The following CKAP2L variants were observed in gnomAD, a reference collection of about 807,000 sequenced individuals.
The protein encoded by CKAP2L is cytoskeleton associated protein 2L.
In CKAP2L, 42 loss-of-function variants were observed where a neutral mutation model predicts 65.7. That is an observed-to-expected ratio of 0.64 (90% confidence interval 0.50 to 0.83). The LOEUF (loss-of-function observed/expected upper bound fraction) is 0.83. Among genes scored for constraint, CKAP2L ranks in the 40% least tolerant of loss-of-function variants. The pLI, the probability that CKAP2L is intolerant of heterozygous loss-of-function variation, is 0.00. For synonymous variants in CKAP2L, 325 were observed against 313.5 expected (o/e 1.04, Z -0.39); for missense variants, 908 against 871.0 (o/e 1.04, Z -0.53).
At chr2:112,762,469 C>T (rs1222440837) in intron 2 of CKAP2L, 34 bp downstream of exon 2, 10 of 1,585,394 alleles carry the variant, frequency 6.3e-6, no homozygotes, top group Non-Finnish European at 8.7e-6. Flanking sequence ...AAGAAGGCAA[C>T]AAAACTTGCG....
At chr2:112,740,470 C>T (rs1477241357) in intron 8 of CKAP2L, among the ~76,000 whole-genome samples, 1 of 152,152 alleles carries the variant, frequency 6.6e-6, no homozygotes, top group Non-Finnish European at 1.5e-5. Context: ...GTACATACTC[C>T]ACTGCTCTCC....
intron 5 of CKAP2L, among the ~76,000 whole-genome samples, chr2:112,751,546 A>G (rs1342237520): frequency 6.6e-6 from 1 of 152,220 alleles, no homozygotes. Flanking sequence ...GAGGATAAGA[A>G]AAAGAACTCA....
intron 6 of CKAP2L, among the ~76,000 whole-genome samples, chr2:112,743,079 TC>T (rs1408456672): frequency 6.6e-6 from 1 of 152,200 alleles, no homozygotes; most frequent in African/African-American, 2.4e-5. Flanking sequence ...AAATATGTAT[TC>T]CTACATAAAA....
chr2:112,760,723 G>A lies in CKAP2L; in HGVS notation c.146C>T (p.Pro49Leu), dbSNP rs377112235. The change falls in exon 3 of 9, where the codon CCT (proline) becomes CTT (leucine). Residue 49 changes from proline (P) to leucine (L), a missense_variant. Pro to Leu is a moderately conservative substitution (Grantham distance 98). Transcript: ENST00000302450. ...KSKNNCQNQP[P>L]SKSTIRPKND... is the part of the protein sequence containing the mutation. ...CTAATTTCTACTTACAGATTTAGAA[G>A]GTGGTTGATTCTGGCAATTATTCTT... The A allele has an allele frequency of 1.4e-5, 21 of 1,490,208 alleles. No homozygotes were observed. Among genetic ancestry groups the A allele is most frequent in the Non-Finnish European group, 1.8e-5 (20 of 1,082,022 alleles). 92.3% of individuals were successfully genotyped at this position (1,490,208 alleles called of 1,614,324 possible).
At position 112,756,665 on chromosome 2, in the gene CKAP2L, C is replaced by A; in HGVS notation, c.706G>T (p.Val236Phe). ...TGTTTATTAACCCTATCTTTCAGAA[C>A]AGCACTATTAACTGAACTTTTGCCC... The part of the protein sequence containing the change: ...ALGKSSVNSA[V>F]LKDRVNKQFV... The change falls in exon 4 of 9, where the codon GTT (valine) becomes TTT (phenylalanine). Residue 236 changes from valine (V) to phenylalanine (F), a missense_variant. Transcript: ENST00000302450. 6.2e-7 allele frequency: 1 copy of A among 1,601,944 alleles called. No individual in the cohort carries two copies. Among genetic ancestry groups the A allele is most frequent in the Non-Finnish European group, 8.5e-7 (1 of 1,175,740 alleles).
At chr2:112,757,537 T>C (rs1324753965) in intron 3 of CKAP2L, among the ~76,000 whole-genome samples, 1 of 151,944 alleles carries the variant, frequency 6.6e-6, no homozygotes, top group Non-Finnish European at 1.5e-5. Flanking sequence ...TACAGGCGCA[T>C]GTCACTACAC....
chr2:112,746,292 G>A (rs1680198005), intron 6 of CKAP2L, 128 bp downstream of exon 6: 2 of 624,650 alleles, frequency 3.2e-6, no homozygotes, highest in Non-Finnish European at 5.2e-6. Context: ...GTTCTTTATG[G>A]TAAGGTATGA....
intron 8 of CKAP2L, among the ~76,000 whole-genome samples, chr2:112,739,349 AG>A (rs1267783938): frequency 6.6e-6 from 1 of 152,150 alleles, no homozygotes; most frequent in Non-Finnish European, 1.5e-5. Context: ...TGAGCCCAGA[AG>A]GTCAAGGCTG....
Position 112,742,698 on chromosome 2 carries a change from A to C in CKAP2L, c.1822+8T>G, listed in dbSNP as rs752569349. The C allele has an allele frequency of 6.4e-7, 1 of 1,558,290 alleles. No individual in the cohort carries two copies. Among genetic ancestry groups the C allele is most frequent in the Non-Finnish European group, 8.8e-7 (1 of 1,135,642 alleles). On this transcript the variant is annotated splice_region_variant and intron_variant, in intron 7 of 8. Transcript: ENST00000302450. Reference sequence around the variant, plus strand: ...AGAAGATGAATTTAAATTCAAAAATAATAGTACCTTCTGTGGTTCTGTTTG... The same window carrying C: ...AGAAGATGAATTTAAATTCAAAAATCATAGTACCTTCTGTGGTTCTGTTTG...
chr2:112,761,460 CAAAAAAAAAA>C (rs1182818451), intron 2 of CKAP2L, among the ~76,000 whole-genome samples: 1 of 26,422 alleles, frequency 3.8e-5, no homozygotes, highest in Non-Finnish European at 8.7e-5. Flanking sequence ...GACTCCGTCT[CAAAAAAAAAA>C]AAAAAAAAAA....
Position 112,757,155 on chromosome 2 carries a change from C to A in CKAP2L, c.216G>T (p.Arg72Ser). 6.2e-7 allele frequency: 1 copy of A among 1,613,644 alleles called. No individual in the cohort carries two copies. Among genetic ancestry groups the A allele is most frequent in the Non-Finnish European group, 8.5e-7 (1 of 1,179,788 alleles). Residue 72 changes from arginine to serine, a missense_variant, in exon 4 of 9, where the codon AGG (arginine) becomes AGT (serine). Coordinates refer to ENST00000302450, the MANE Select transcript of CKAP2L (RefSeq NM_152515.5). ...TGGGCTGGAGTTTAATGCTGATGGA[C>A]CTTTTAGGTTTGACAGGCAAAACAA... ...NHVVLPVKPK[R>S]SISIKLQPRP... is the part of the protein sequence containing the mutation.
intron 6 of CKAP2L, among the ~76,000 whole-genome samples, chr2:112,746,183 G>GT (rs201556029): frequency 6.5e-4 from 99 of 151,332 alleles, no homozygotes; most frequent in African/African-American, 2.2e-3. Context: ...TAATTATATA[G>GT]TTTTTTTTTC....
rs781250864 is a variant in CKAP2L, at chr2:112,738,578, G to GTAAA, written c.*241_*244dup. On this transcript the variant is annotated 3_prime_UTR_variant, in exon 9 of 9. Coordinates refer to ENST00000302450, the MANE Select transcript of CKAP2L (RefSeq NM_152515.5). ...TATAAATATTTATCATAGTTGTAGGGTAAATATTCAAAAGTTTGAAATTTA... is the reference window on the plus strand; with the variant it reads ...TATAAATATTTATCATAGTTGTAGGGTAAATAAATATTCAAAAGTTTGAAATTTA... 2 of 505,100 alleles carry GTAAA rather than the reference G, an allele frequency of 4.0e-6. No individual in the cohort carries two copies. Among genetic ancestry groups the GTAAA allele is most frequent in the Non-Finnish European group, 7.0e-6 (2 of 284,936 alleles). 31.3% of individuals were successfully genotyped at this position (505,100 alleles called of 1,614,324 possible). A position where few individuals can be genotyped will look rare whatever the true frequency, so the allele number is the denominator to read the frequency against.
rs1332884945 is a variant in CKAP2L at position 112,764,479 on chromosome 2, C to T, written c.37+83G>A. 4.1e-6 allele frequency: 6 copies of T among 1,477,286 alleles called. No individual in the cohort carries two copies. In the Admixed American group the frequency reaches 6.7e-5, roughly 16 times the overall value. The allele number at this position is 1,477,286 out of a possible 1,614,324, so 91.5% of individuals were successfully genotyped here. On this transcript the variant is annotated intron_variant, in intron 1 of 8. Coordinates refer to ENST00000302450, the MANE Select transcript of CKAP2L (RefSeq NM_152515.5). ...CAGGCGAGCGGACGGGCACCTCCCG[C>T]GGGACGAACTCACTCGGTGGCCTCC...
intron 8 of CKAP2L, among the ~76,000 whole-genome samples, chr2:112,739,665 T>C (rs1419931564): frequency 1.3e-5 from 2 of 152,242 alleles, no homozygotes; most frequent in Non-Finnish European, 2.9e-5. Flanking sequence ...TCTAGCTTTT[T>C]CTTTTTAAAG....
chr2:112,748,866 T>TAA (rs200133244), intron 5 of CKAP2L, among the ~76,000 whole-genome samples: 6 of 134,636 alleles, frequency 4.5e-5, no homozygotes, highest in African/African-American at 8.2e-5. Flanking sequence ...CCCTGTCTCT[T>TAA]AAAAAAAAAA....
chr2:112,764,190 G>T (rs937061968), intron 1 of CKAP2L: 4 of 290,138 alleles, frequency 1.4e-5, no homozygotes, highest in African/African-American at 2.2e-5. Context: ...AGAGGACCAC[G>T]CCCGGCTCTG....
rs1679568429 is a variant in CKAP2L, at chr2:112,738,663, G to A, written c.*160C>T. The A allele has an allele frequency of 1.6e-6, 1 of 611,204 alleles. No homozygotes were observed. The highest frequency in any genetic ancestry group is 3.0e-5 in the Admixed American group (1 of 33,698). The allele number at this position is 611,204 out of a possible 1,614,324, so 37.9% of individuals were successfully genotyped here. On this transcript the variant is annotated 3_prime_UTR_variant, in exon 9 of 9. Coordinates refer to ENST00000302450, the MANE Select transcript of CKAP2L (RefSeq NM_152515.5). ...ACATAAAGCAAAGATTTTCCCATGG[G>A]GAGAGAAAATTTGAGAGTAAGCCCA...
intron 7 of CKAP2L, 75 bp from the exon 8 acceptor site, chr2:112,741,082 A>C: frequency 1.1e-6 from 1 of 926,038 alleles, no homozygotes; most frequent in Non-Finnish European, 1.7e-6. Flanking sequence ...TAACATGAAA[A>C]ATACATACAT....
Sources: allele counts gnomAD v4.1 joint callset (sites outside exome capture counted in the v4.1 genomes callset), GRCh38; gene constraint gnomAD v4.1.1; transcripts MANE v1.5; gene names NCBI Gene and HGNC (gene_info 2026-07-23, HGNC 2026-07-21).